The following TMIGD1 variants were observed in gnomAD, a reference collection of about 807,000 sequenced individuals.
TMIGD1 encodes transmembrane and immunoglobulin domain containing 1, also known as transmembrane and immunoglobulin domain-containing protein 1.
In TMIGD1, 29 loss-of-function variants were observed where a neutral mutation model predicts 27.5. The observed-to-expected ratio is 1.05, with a 90% CI of 0.78 to 1.44. TMIGD1 has a LOEUF of 1.44. Among genes scored for constraint, TMIGD1 ranks in the 40% most tolerant of loss-of-function variants. The pLI, the probability that TMIGD1 is intolerant of heterozygous loss-of-function variation, is 0.00. For missense variants in TMIGD1, 334 were observed against 310.6 expected (o/e 1.08, Z -0.57); for synonymous variants, 109 against 110.3 (o/e 0.99, Z 0.07).
chr17:30,316,579 G>A lies in TMIGD1; in HGVS notation c.*108C>T. On this transcript the variant is annotated 3_prime_UTR_variant, in exon 7 of 7. Transcript: ENST00000328886. Reference sequence around the variant, plus strand: ...TACTGTTAAGTGATTAATGAAACAGGAGTGACAGGAGTGAATTTAATAATA... The same window carrying A: ...TACTGTTAAGTGATTAATGAAACAGAAGTGACAGGAGTGAATTTAATAATA... The A allele has an allele frequency of 9.2e-7, 1 of 1,089,780 alleles. No individual in the cohort carries two copies. The highest frequency in any genetic ancestry group is 1.4e-5 in the South Asian group (1 of 72,414). 67.5% of individuals were successfully genotyped at this position (1,089,780 alleles called of 1,614,324 possible).
At position 30,331,534 on chromosome 17, in the gene TMIGD1, CACCTTG is replaced by C. The variant is rs1287390559; in HGVS notation, c.82+512_82+517del. Among the ~76,000 whole-genome samples, 3 of 151,024 alleles carry C rather than the reference CACCTTG, an allele frequency of 2.0e-5. No homozygotes were observed. The East Asian group carries it at 5.8e-4, about 29-fold the overall frequency. ...TGGCTCTGGAGAGAATAGAATACTT[CACCTTG>C]TCTTGTAATAATAAAACCCTAAAAA... On this transcript the variant is annotated intron_variant, in intron 2 of 6. Transcript: ENST00000328886.
At chr17:30,328,389 T>C (rs956403979) in intron 3 of TMIGD1, among the ~76,000 whole-genome samples, 1 of 152,128 alleles carries the variant, frequency 6.6e-6, no homozygotes, top group African/African-American at 2.4e-5. Flanking sequence ...AGGAAAAGAC[T>C]TGAAGCTTTA....
In TMIGD1 at chr17:30,320,927, G is replaced by T. The variant is rs575659870; in HGVS notation, c.641-2014C>A. 2.6e-5 allele frequency among the ~76,000 whole-genome samples: 4 copies of T among 152,052 alleles called. No individual in the cohort carries two copies. In the South Asian group the frequency reaches 8.3e-4, roughly 32 times the overall value. ...GGCTGGAGTGCAGTGGCTTGATCTC[G>T]GCTCACTGCAACCTCTGTCTCCTGG... is the stretch of plus-strand genomic sequence containing the variant. On this transcript the variant is annotated intron_variant, in intron 4 of 6. Transcript: ENST00000328886.
At position 30,329,457 on chromosome 17, in the gene TMIGD1, A is replaced by G. The variant is rs1909902909; in HGVS notation, c.155T>C (p.Leu52Pro). The change falls in exon 3 of 7, where the codon CTG becomes CCG. Residue 52 changes from leucine to proline, a missense_variant. By Grantham distance (98) the Leu-to-Pro change is moderately conservative (BLOSUM62 -3). Transcript: ENST00000328886. ...GGTGTGGTTTTGAACAGCACATATC[A>G]GAGATGCTTGGGAGCCAGGTGTAGT... Reference protein sequence around the residue: ...LDTTPGSQASLICAVQNHTRE... With the variant: ...LDTTPGSQASPICAVQNHTRE... 2 of 1,614,104 alleles carry G rather than the reference A, an allele frequency of 1.2e-6. No homozygotes were observed. Among genetic ancestry groups the G allele is most frequent in the Non-Finnish European group, 1.7e-6 (2 of 1,179,942 alleles).
At chr17:30,329,571 C>T (rs1567851610) in intron 2 of TMIGD1, 42 bp from the exon 3 acceptor site, 1 of 1,555,602 alleles carries the variant, frequency 6.4e-7, no homozygotes, top group East Asian at 2.3e-5. Flanking sequence ...ACAGAGTAAA[C>T]AACCTTAATG....
At chr17:30,318,717 A>G in intron 5 of TMIGD1, 93 bp downstream of exon 5, 1 of 862,160 alleles carries the variant, frequency 1.2e-6, no homozygotes, top group Non-Finnish European at 1.9e-6. Context: ...CTTTGCCAAG[A>G]AGGGTTCCTA....
At chr17:30,321,106 C>A (rs546653880) in intron 4 of TMIGD1, among the ~76,000 whole-genome samples, 54 of 152,122 alleles carry the variant, frequency 3.5e-4, no homozygotes, top group African/African-American at 1.3e-3. Context: ...GATCTGCCTG[C>A]CTTGGCCTCC....
chr17:30,326,576 A>T (rs186024286), intron 3 of TMIGD1, among the ~76,000 whole-genome samples: 2 of 152,304 alleles, frequency 1.3e-5, no homozygotes, highest in Admixed American at 1.3e-4. Context: ...ACAGAGATCT[A>T]GCTTATTGCT....
chr17:30,316,956 T>C (rs577035801), intron 6 of TMIGD1: 8 of 625,190 alleles, frequency 1.3e-5, no homozygotes, highest in East Asian at 5.5e-5. Flanking sequence ...TGCACAAACA[T>C]TGGGCAAACT....
chr17:30,322,306 C>T (rs573247452), intron 4 of TMIGD1, among the ~76,000 whole-genome samples: 4 of 152,248 alleles, frequency 2.6e-5, no homozygotes, highest in Non-Finnish European at 5.9e-5. Context: ...TCTGTACTAG[C>T]CAGCTCTGGG....
chr17:30,317,867 C>T (rs1909469049), intron 5 of TMIGD1, among the ~76,000 whole-genome samples: 2 of 151,728 alleles, frequency 1.3e-5, no homozygotes, highest in East Asian at 1.9e-4. Flanking sequence ...CTCAGGAGTT[C>T]GAGACCAGCC....
chr17:30,328,603 C>G (rs1351913445), intron 3 of TMIGD1, among the ~76,000 whole-genome samples: 1 of 151,640 alleles, frequency 6.6e-6, no homozygotes, highest in Non-Finnish European at 1.5e-5. Flanking sequence ...TTCATGGAAA[C>G]AAACAAAAAA....
In TMIGD1 at chr17:30,327,621, G is replaced by T. The variant is rs532220211; in HGVS notation, c.361+1630C>A. Among the ~76,000 whole-genome samples the T allele has an allele frequency of 2.0e-3, 300 of 151,732 alleles. 2 individuals carry two copies. Among genetic ancestry groups the T allele is most frequent in the African/African-American group, 6.8e-3 (279 of 41,320 alleles). On this transcript the variant is annotated intron_variant, in intron 3 of 6. Coordinates refer to ENST00000328886, the MANE Select transcript of TMIGD1 (RefSeq NM_206832.3). ...GTTGCCCAGGTTGAAATGCAGTGGC[G>T]CAATCACAGCTCGCTGAAGCCTCAA...
At chr17:30,317,404 T>C (rs1909450092) in intron 5 of TMIGD1, among the ~76,000 whole-genome samples, 171 bp from the exon 6 acceptor site, 1 of 152,076 alleles carries the variant, frequency 6.6e-6, no homozygotes, top group Admixed American at 6.6e-5. Flanking sequence ...TCAAAGAAGA[T>C]GTAACTCTTA....
At chr17:30,330,344 G>A (rs894094223) in intron 2 of TMIGD1, among the ~76,000 whole-genome samples, 2 of 152,054 alleles carry the variant, frequency 1.3e-5, no homozygotes, top group African/African-American at 2.4e-5. Context: ...ATGCATATAT[G>A]TATATACATA....
intron 4 of TMIGD1, among the ~76,000 whole-genome samples, chr17:30,319,125 C>T (rs187620980): frequency 1.3e-5 from 2 of 150,484 alleles, no homozygotes; most frequent in South Asian, 2.1e-4. Context: ...AGAATTAGGC[C>T]GGGTGCAGTG....
intron 2 of TMIGD1, among the ~76,000 whole-genome samples, chr17:30,331,624 G>A (rs916702872): frequency 1.1e-4 from 16 of 140,612 alleles, no homozygotes; most frequent in African/African-American, 3.4e-4. Context: ...TCGCCCTGTC[G>A]CCCAGGCTGG....
Position 30,319,002 on chromosome 17 carries a change from T to C in TMIGD1, c.641-89A>G, listed in dbSNP as rs1909515472. On this transcript the variant is annotated intron_variant, in intron 4 of 6. Coordinates refer to ENST00000328886, the MANE Select transcript of TMIGD1 (RefSeq NM_206832.3). ...AATGGTGCCTTGAACTTTATGTGTG[T>C]CATCCCCTTAATTAAACCTTCTCAA... The C allele has an allele frequency of 3.4e-6, 3 of 892,374 alleles. No homozygotes were observed. In the South Asian group the frequency reaches 4.1e-5, roughly 12 times the overall value. The allele number at this position is 892,374 out of a possible 1,614,324, so 55.3% of individuals were successfully genotyped here.
intron 1 of TMIGD1, 111 bp from the exon 2 acceptor site, chr17:30,332,269 C>A (rs1910006512): frequency 1.7e-6 from 1 of 601,736 alleles, no homozygotes; most frequent in Non-Finnish European, 2.9e-6. Flanking sequence ...ATCATCCCAG[C>A]TATAACGGTA....
Sources: allele counts gnomAD v4.1 joint callset (sites outside exome capture counted in the v4.1 genomes callset), GRCh38; gene constraint gnomAD v4.1.1; transcripts MANE v1.5; gene names NCBI Gene and HGNC (gene_info 2026-07-23, HGNC 2026-07-21).